The following NKIRAS1 variants were observed in gnomAD, a reference collection of about 807,000 sequenced individuals.
The protein encoded by NKIRAS1 is NF-kappa-B inhibitor-interacting Ras-like protein 1.
A neutral mutation model predicts 19.8 loss-of-function variants in NKIRAS1; 16 were observed. That is an observed-to-expected ratio of 0.81 (90% CI 0.55 to 1.23). NKIRAS1 has a LOEUF of 1.23. NKIRAS1 is among the 50% of genes most tolerant of loss of function. The pLI, the probability that NKIRAS1 is intolerant of heterozygous loss-of-function variation, is 0.00. For missense variants in NKIRAS1, 184 were observed against 220.0 expected (o/e 0.84, Z 1.04); for synonymous variants, 88 against 79.0 (o/e 1.11, Z -0.61).
At chr3:23,946,063 A>T (rs946684337) in intron 1 of NKIRAS1, 1 of 977,780 alleles carries the variant, frequency 1.0e-6, no homozygotes, top group Non-Finnish European at 1.2e-6. Flanking sequence ...GGAGCGCCGC[A>T]GCCTCCCGGG....
At chr3:23,916,754 G>A (rs1704562799) in intron 1 of NKIRAS1, 30 bp downstream of exon 1, 1 of 147,012 alleles carries the variant, frequency 6.8e-6, no homozygotes, top group African/African-American at 2.5e-5. Flanking sequence ...AGACTCCGCA[G>A]GGGGAGAGCC....
chr3:23,917,705 GGGCTAGCTGTCCCC>G, upstream of NKIRAS1: 1 of 763,612 alleles, frequency 1.3e-6, no homozygotes, highest in African/African-American at 1.8e-5. Context: ...GGTGGGGGTT[GGGCTAGCTGTCCCC>G]GGCAGTTGGT....
intron 3 of NKIRAS1, among the ~76,000 whole-genome samples, chr3:23,908,558 AAATC>A (rs1261999137): frequency 1.3e-5 from 2 of 151,970 alleles, no homozygotes; most frequent in Non-Finnish European, 2.9e-5. Context: ...TCTAAAAAGT[AAATC>A]AATGCCACCT....
chr3:23,933,128 A>G (rs1705343949), intron 1 of NKIRAS1, among the ~76,000 whole-genome samples: 1 of 152,226 alleles, frequency 6.6e-6, no homozygotes, highest in South Asian at 2.1e-4. Flanking sequence ...TCTGACCTAC[A>G]GGAACTGTTA....
chr3:23,898,117 T>C (rs1702159876), intron 4 of NKIRAS1, among the ~76,000 whole-genome samples: 1 of 152,058 alleles, frequency 6.6e-6, no homozygotes. Context: ...CTCTGGAGGA[T>C]ACCCAAGTAA....
At chr3:23,898,062 G>C (rs79519960) in intron 4 of NKIRAS1, among the ~76,000 whole-genome samples, 1 of 152,154 alleles carries the variant, frequency 6.6e-6, no homozygotes, top group Non-Finnish European at 1.5e-5. Context: ...TATCTAGTAC[G>C]TGAGTGTTCA....
intron 1 of NKIRAS1, among the ~76,000 whole-genome samples, chr3:23,931,726 G>T (rs1705319271): frequency 6.6e-6 from 1 of 152,086 alleles, no homozygotes; most frequent in South Asian, 2.1e-4. Flanking sequence ...GAGAGAGAGA[G>T]AGAGAGAGAG....
intron 3 of NKIRAS1, among the ~76,000 whole-genome samples, chr3:23,910,276 C>A (rs929233829): frequency 3.3e-5 from 5 of 151,574 alleles, no homozygotes; most frequent in Admixed American, 2.0e-4. Context: ...TCCTGCCTCA[C>A]CCCCTCAAGT....
chr3:23,908,176 C>G (rs1221919186), intron 3 of NKIRAS1, among the ~76,000 whole-genome samples: 1 of 152,036 alleles, frequency 6.6e-6, no homozygotes, highest in African/African-American at 2.4e-5. Context: ...CCAAAATTTC[C>G]AAAATGACCA....
At chr3:23,905,890 G>A (rs1407227582) in intron 3 of NKIRAS1, among the ~76,000 whole-genome samples, 1 of 152,074 alleles carries the variant, frequency 6.6e-6, no homozygotes, top group Non-Finnish European at 1.5e-5. Flanking sequence ...CGGGTGCAGT[G>A]GCTCATGCCT....
chr3:23,901,284 TC>T (rs1253636200), intron 3 of NKIRAS1, among the ~76,000 whole-genome samples: 4 of 151,508 alleles, frequency 2.6e-5, no homozygotes, highest in Non-Finnish European at 2.9e-5. Flanking sequence ...GCTCAAGGGA[TC>T]CTCCCACCTC....
intron 3 of NKIRAS1, among the ~76,000 whole-genome samples, chr3:23,910,252 G>A (rs1703550519): frequency 1.3e-5 from 2 of 148,826 alleles, no homozygotes; most frequent in Admixed American, 6.8e-5. Context: ...CAGCCTCCCA[G>A]GTTCAAGAGA....
intron 1 of NKIRAS1, among the ~76,000 whole-genome samples, chr3:23,915,336 G>A (rs771916776): frequency 2.0e-5 from 3 of 152,158 alleles, no homozygotes; most frequent in Non-Finnish European, 4.4e-5. Context: ...CTCTCCCCTA[G>A]TACCTCCAGA....
chr3:23,944,880 A>T (rs1705589955), intron 1 of NKIRAS1, among the ~76,000 whole-genome samples: 1 of 151,910 alleles, frequency 6.6e-6, no homozygotes. Context: ...AGCCCGAACC[A>T]GCCGGCCCAG....
intron 1 of NKIRAS1, among the ~76,000 whole-genome samples, chr3:23,925,154 G>T (rs1264574022): frequency 1.3e-5 from 2 of 152,174 alleles, no homozygotes; most frequent in African/African-American, 4.8e-5. Context: ...TTTGTGAACA[G>T]CTCTAATGTC....
upstream of NKIRAS1, chr3:23,920,653 C>T: frequency 1.0e-6 from 1 of 985,054 alleles, no homozygotes; most frequent in Non-Finnish European, 1.2e-6. Context: ...TCGTTCTGAA[C>T]CAATTTTCTC....
chr3:23,919,035 C>T (rs1704903282), upstream of NKIRAS1: 6 of 618,840 alleles, frequency 9.7e-6, no homozygotes, highest in Non-Finnish European at 1.7e-5. Flanking sequence ...TACATTATCT[C>T]ATTACACTTG....
chr3:23,910,880 C>G lies in NKIRAS1; in HGVS notation c.25G>C (p.Val9Leu). 1 of 1,614,194 alleles carries G rather than the reference C, an allele frequency of 6.2e-7. No homozygotes were observed. Among genetic ancestry groups the G allele is most frequent in the Admixed American group, 1.7e-5 (1 of 60,020 alleles). The change falls in exon 3 of 5, where the codon GTT becomes CTT. Residue 9 changes from valine to leucine, a missense_variant. Val to Leu is a conservative substitution (Grantham distance 32, BLOSUM62 1). Coordinates refer to ENST00000425478, the MANE Select transcript of NKIRAS1 (RefSeq NM_020345.4). MGKGCKVV[V>L]CGLLSVGKTA... ...TTCCCCACAGATAACAATCCACAAA[C>G]CACAACCTTGCAGCCCTTTCCCATC...
At chr3:23,933,514 C>T (rs1420818684) in intron 1 of NKIRAS1, among the ~76,000 whole-genome samples, 1 of 152,166 alleles carries the variant, frequency 6.6e-6, no homozygotes, top group East Asian at 1.9e-4. Context: ...ATTGTCCAGC[C>T]CAAAATGTCA....
Sources: gnomAD v4.1 joint callset for allele counts (sites outside exome capture counted in the v4.1 genomes callset) on GRCh38, gnomAD v4.1.1 for gene constraint, MANE v1.5 for transcripts, NCBI Gene and HGNC (gene_info 2026-07-23, HGNC 2026-07-21) for gene names.